DSCAML1: variants seen among roughly 807,000 people sequenced by gnomAD.
The protein encoded by DSCAML1 is DS cell adhesion molecule like 1.
Under a neutral mutation model 200.5 loss-of-function variants are expected in DSCAML1, and 38 were observed. That is an observed-to-expected ratio of 0.19 (90% CI 0.15 to 0.25). The LOEUF (loss-of-function observed/expected upper bound fraction) is 0.25, where lower values mean the gene tolerates loss of function less well. Ranked by LOEUF, DSCAML1 falls within the 10% of genes least tolerant of loss-of-function variation. DSCAML1 has a pLI of 1.00. For missense variants in DSCAML1, 2,223 were observed against 2,858.8 expected, an observed-to-expected ratio of 0.78 and a Z score of 5.07; for synonymous variants, 1,215 against 1,165.0, an observed-to-expected ratio of 1.04 and a Z score of -0.87.
At chr11:117,535,238 C>T (rs903228995) in intron 3 of DSCAML1, among the ~76,000 whole-genome samples, 6 of 152,228 alleles carry the variant, frequency 3.9e-5, no homozygotes, top group African/African-American at 1.4e-4. Context: ...AAGACCCTGG[C>T]CCTGTCTCTG....
intron 3 of DSCAML1, among the ~76,000 whole-genome samples, chr11:117,739,455 G>A (rs1455314270): frequency 1.3e-5 from 2 of 152,258 alleles, no homozygotes; most frequent in Admixed American, 6.5e-5. Flanking sequence ...CCTGGGACAT[G>A]GGAATGGATA....
At position 117,536,024 on chromosome 11, in the gene DSCAML1, C is replaced by T. The variant is rs688968; in HGVS notation, c.512-3502G>A. Among the ~76,000 whole-genome samples the T allele has an allele frequency of 3.8e-3, 575 of 151,970 alleles. 1 individual carries two copies. Among genetic ancestry groups the T allele is most frequent in the African/African-American group, 0.013 (520 of 41,442 alleles). Reference sequence around the variant, plus strand: ...GTCCTCATTTTCCCCTCCCTCCCCCCCTTCTTGTGCATATTTAATTGCAGT... The same window carrying T: ...GTCCTCATTTTCCCCTCCCTCCCCCTCTTCTTGTGCATATTTAATTGCAGT... On this transcript the variant is annotated intron_variant, in intron 3 of 32. Coordinates refer to ENST00000651296, the MANE Select transcript of DSCAML1 (RefSeq NM_020693.4).
intron 7 of DSCAML1, among the ~76,000 whole-genome samples, chr11:117,517,231 G>C (rs1015633634): frequency 2.6e-5 from 4 of 152,240 alleles, no homozygotes; most frequent in African/African-American, 9.6e-5. Flanking sequence ...GTCTTCGCCA[G>C]GTGAGCTGAT....
At chr11:117,810,804 C>T (rs920681121) in intron 1 of DSCAML1, among the ~76,000 whole-genome samples, 6 of 152,166 alleles carry the variant, frequency 3.9e-5, no homozygotes, top group South Asian at 2.1e-4. Flanking sequence ...CTGACGTCCA[C>T]GCATTCTTTT....
intron 14 of DSCAML1, among the ~76,000 whole-genome samples, chr11:117,475,646 A>G (rs1350965509): frequency 6.6e-6 from 1 of 152,168 alleles, no homozygotes; most frequent in East Asian, 1.9e-4. Context: ...TTTAAACCAG[A>G]GCCACTGTTT....
At chr11:117,460,167 AC>A (rs1395919704) in intron 18 of DSCAML1, among the ~76,000 whole-genome samples, 5 of 152,244 alleles carry the variant, frequency 3.3e-5, no homozygotes, top group Non-Finnish European at 7.3e-5. Flanking sequence ...ACAGGGAACC[AC>A]CCTTTACTTG....
At chr11:117,700,714 A>G (rs1447182616) in intron 3 of DSCAML1, among the ~76,000 whole-genome samples, 1 of 152,212 alleles carries the variant, frequency 6.6e-6, no homozygotes, top group South Asian at 2.1e-4. Flanking sequence ...TGATAGAAAC[A>G]TGTCTGTGCC....
chr11:117,625,953 T>C (rs2052034461), intron 3 of DSCAML1, among the ~76,000 whole-genome samples: 1 of 152,224 alleles, frequency 6.6e-6, no homozygotes, highest in Admixed American at 6.5e-5. Context: ...ACAGAAGCGC[T>C]GGTCCCATGC....
chr11:117,648,398 T>C (rs1347879218), intron 3 of DSCAML1, among the ~76,000 whole-genome samples: 1 of 152,192 alleles, frequency 6.6e-6, no homozygotes, highest in Non-Finnish European at 1.5e-5. Flanking sequence ...CAGGACCCGC[T>C]TCCACGCAGT....
intron 3 of DSCAML1, among the ~76,000 whole-genome samples, chr11:117,647,469 G>C (rs897284428): frequency 6.6e-6 from 1 of 152,208 alleles, no homozygotes; most frequent in Non-Finnish European, 1.5e-5. Flanking sequence ...GTATTTCTCA[G>C]AGTCAGAGGG....
chr11:117,684,834 A>T (rs2053378310), intron 3 of DSCAML1, among the ~76,000 whole-genome samples: 1 of 152,234 alleles, frequency 6.6e-6, no homozygotes, highest in Non-Finnish European at 1.5e-5. Context: ...TCAGATCTTT[A>T]GCCAAAGGGA....
intron 3 of DSCAML1, among the ~76,000 whole-genome samples, chr11:117,547,188 G>A (rs2050387825): frequency 2.0e-5 from 3 of 152,160 alleles, no homozygotes; most frequent in African/African-American, 7.2e-5. Flanking sequence ...GCCCAGCCGG[G>A]GGCGACAGCC....
chr11:117,538,450 G>A lies in DSCAML1; in HGVS notation c.512-5928C>T, dbSNP rs60965951. On this transcript the variant is annotated intron_variant, in intron 3 of 32. Coordinates refer to ENST00000651296, the MANE Select transcript of DSCAML1 (RefSeq NM_020693.4). ...AGGTTGGGGCTGCCGGGCCCCCAGC[G>A]CCTCCTGCGGTCAGGCCTCCTGCAG... Among the ~76,000 whole-genome samples, 438 of 152,286 alleles carry A rather than the reference G, an allele frequency of 2.9e-3. 6 individuals are homozygous for A. The highest frequency in any genetic ancestry group is 1.0e-2 in the African/African-American group (414 of 41,566).
intron 3 of DSCAML1, among the ~76,000 whole-genome samples, chr11:117,573,652 G>A (rs760897551): frequency 3.9e-5 from 6 of 152,178 alleles, no homozygotes; most frequent in Non-Finnish European, 7.3e-5. Flanking sequence ...TCCTGTCGCC[G>A]ACCACTTCAG....
chr11:117,649,632 C>T (rs1565850524), intron 3 of DSCAML1, among the ~76,000 whole-genome samples: 1 of 152,314 alleles, frequency 6.6e-6, no homozygotes, highest in Middle Eastern at 3.4e-3. Flanking sequence ...CTGGGCTCGT[C>T]CCTACCAAAC....
chr11:117,670,088 T>C (rs931482783), intron 3 of DSCAML1, among the ~76,000 whole-genome samples: 24 of 152,346 alleles, frequency 1.6e-4, no homozygotes, highest in Middle Eastern at 3.4e-3. Context: ...CTGTGATGCT[T>C]GGCTCTTCCT....
chr11:117,695,491 C>CA (rs2053574790), intron 3 of DSCAML1, among the ~76,000 whole-genome samples: 1 of 151,858 alleles, frequency 6.6e-6, no homozygotes, highest in Non-Finnish European at 1.5e-5. Flanking sequence ...CCAGAGAGCA[C>CA]ACGTAGAACA....
At chr11:117,457,946 G>A (rs945285817) in intron 19 of DSCAML1, among the ~76,000 whole-genome samples, 2 of 152,198 alleles carry the variant, frequency 1.3e-5, no homozygotes, top group African/African-American at 2.4e-5. Context: ...TTCTAGTAAC[G>A]GGGCACCCGG....
At chr11:117,769,923 A>G (rs1432558039) in intron 3 of DSCAML1, among the ~76,000 whole-genome samples, 1 of 152,084 alleles carries the variant, frequency 6.6e-6, no homozygotes, top group Non-Finnish European at 1.5e-5. Context: ...CATGAGTTAA[A>G]TGGCCCAGTG....
Sources: gnomAD v4.1 joint callset for allele counts (sites outside exome capture counted in the v4.1 genomes callset) on GRCh38, gnomAD v4.1.1 for gene constraint, MANE v1.5 for transcripts, NCBI Gene and HGNC (gene_info 2026-07-23, HGNC 2026-07-21) for gene names.